HECW1: variants seen among roughly 807,000 people sequenced by gnomAD.
HECW1 encodes HECT, C2 and WW domain containing E3 ubiquitin protein ligase 1.
Under a neutral mutation model 182.3 loss-of-function variants are expected in HECW1, and 61 were observed. That is an observed-to-expected ratio of 0.33 (90% CI 0.27 to 0.41). The LOEUF is 0.41. Ranked by LOEUF, HECW1 falls within the 10% of genes least tolerant of loss-of-function variation. The probability of loss-of-function intolerance (pLI) is 1.00; values close to 1 mark genes in which losing one functional copy is unlikely to be tolerated. For synonymous variants in HECW1, 859 were observed against 832.6 expected (o/e 1.03, Z -0.55); for missense variants, 1,739 against 2,108.9 (o/e 0.82, Z 3.44).
At chr7:43,357,741 C>T (rs150165381) in intron 5 of HECW1, among the ~76,000 whole-genome samples, 177 of 151,328 alleles carry the variant, frequency 1.2e-3, no homozygotes, top group African/African-American at 4.1e-3. Context: ...AATATGTTTC[C>T]AAATGGCTAC....
At chr7:43,149,805 G>T (rs1042480729) in intron 2 of HECW1, among the ~76,000 whole-genome samples, 1 of 151,852 alleles carries the variant, frequency 6.6e-6, no homozygotes, top group Non-Finnish European at 1.5e-5. Flanking sequence ...ATACAATAGG[G>T]TTTATTTAGA....
intron 24 of HECW1, chr7:43,512,003 G>A (rs926291192): frequency 1.4e-5 from 3 of 209,628 alleles, no homozygotes; most frequent in Non-Finnish European, 2.9e-5. Context: ...GATCGCTCAC[G>A]ACTGGTACCA....
At chr7:43,497,321 A>T (rs1047686401) in intron 19 of HECW1, among the ~76,000 whole-genome samples, 1 of 152,180 alleles carries the variant, frequency 6.6e-6, no homozygotes, top group Non-Finnish European at 1.5e-5. Flanking sequence ...TTGGGAGGGT[A>T]GGTGAGACCT....
At chr7:43,247,723 GAAGGAAGA>G (rs1199569137) in intron 3 of HECW1, among the ~76,000 whole-genome samples, 1 of 130,444 alleles carries the variant, frequency 7.7e-6, no homozygotes, top group African/African-American at 3.3e-5. Flanking sequence ...AGGGAAGAAG[GAAGGAAGA>G]AAGGAAGGAA....
chr7:43,311,613 G>T lies in HECW1; in HGVS notation c.28-150G>T, dbSNP rs774049124. The T allele has an allele frequency of 7.5e-6, 6 of 801,804 alleles. No homozygotes were observed. In the East Asian group the frequency reaches 1.4e-4, roughly 19 times the overall value. 49.7% of individuals were successfully genotyped at this position (801,804 alleles called of 1,614,324 possible). On this transcript the variant is annotated intron_variant, in intron 3 of 29. Transcript: ENST00000395891. ...CCAGAGCTGCAGCCTTTGTCACGAGGAAGATGCTCTATGCCATGTTTCATA... is the reference window on the plus strand; with the variant it reads ...CCAGAGCTGCAGCCTTTGTCACGAGTAAGATGCTCTATGCCATGTTTCATA...
intron 2 of HECW1, among the ~76,000 whole-genome samples, chr7:43,123,043 T>C (rs567507995): frequency 1.2e-3 from 179 of 152,364 alleles, no homozygotes; most frequent in African/African-American, 4.0e-3. Context: ...CAAAGCAGAA[T>C]TAAATCCCTC....
At chr7:43,212,064 A>T (rs992922690) in intron 2 of HECW1, among the ~76,000 whole-genome samples, 1 of 152,238 alleles carries the variant, frequency 6.6e-6, no homozygotes, top group African/African-American at 2.4e-5. Context: ...CCATATTTCA[A>T]TGTAAGCATT....
chr7:43,167,151 A>G (rs1242537296), intron 2 of HECW1, among the ~76,000 whole-genome samples: 1 of 152,144 alleles, frequency 6.6e-6, no homozygotes, highest in Admixed American at 6.5e-5. Context: ...CATATTAGGT[A>G]TGAGAAGGGC....
At chr7:43,421,078 G>A (rs778046447) in intron 8 of HECW1, among the ~76,000 whole-genome samples, 6 of 152,194 alleles carry the variant, frequency 3.9e-5, no homozygotes, top group Non-Finnish European at 5.9e-5. Flanking sequence ...AAATAGTGTG[G>A]CATTGGCACA....
chr7:43,286,990 C>T (rs138555977), intron 3 of HECW1, among the ~76,000 whole-genome samples: 1 of 151,524 alleles, frequency 6.6e-6, no homozygotes, highest in Non-Finnish European at 1.5e-5. Flanking sequence ...TGCTGTGTCC[C>T]GGGCATTGTT....
intron 16 of HECW1, among the ~76,000 whole-genome samples, chr7:43,470,679 A>C (rs959390015): frequency 1.3e-5 from 2 of 152,192 alleles, no homozygotes; most frequent in Non-Finnish European, 2.9e-5. Context: ...AAAAAATCTG[A>C]ATTTCAAATG....
intron 5 of HECW1, among the ~76,000 whole-genome samples, chr7:43,331,593 A>C (rs1160647622): frequency 3.1e-5 from 3 of 96,688 alleles, no homozygotes; most frequent in African/African-American, 8.4e-5. Flanking sequence ...ACTCTGTCTC[A>C]AAAAAAAAAA....
intron 29 of HECW1, among the ~76,000 whole-genome samples, chr7:43,560,370 T>A (rs2082170750): frequency 6.6e-6 from 1 of 152,214 alleles, no homozygotes. Context: ...TATTCGTATG[T>A]TTCTTCCCAG....
At chr7:43,423,174 A>G (rs1371684214) in intron 8 of HECW1, among the ~76,000 whole-genome samples, 1 of 152,244 alleles carries the variant, frequency 6.6e-6, no homozygotes, top group Non-Finnish European at 1.5e-5. Context: ...TCTGAAACGC[A>G]GAGCTGGTAC....
intron 3 of HECW1, among the ~76,000 whole-genome samples, chr7:43,266,349 TTTTTGAGACAGAGTCTCAC>T (rs1801796288): frequency 6.6e-6 from 1 of 152,124 alleles, no homozygotes; most frequent in Non-Finnish European, 1.5e-5. Context: ...TTGTTTTCAT[TTTTTGAGACAGAGTCTCAC>T]TCTGTCACTC....
At chr7:43,377,218 C>G (rs1183855519) in intron 6 of HECW1, among the ~76,000 whole-genome samples, 1 of 152,186 alleles carries the variant, frequency 6.6e-6, no homozygotes, top group Admixed American at 6.5e-5. Flanking sequence ...CCTTTTCAAG[C>G]CTGTTCTGAA....
chr7:43,278,122 A>C (rs1803406529), intron 3 of HECW1, among the ~76,000 whole-genome samples: 2 of 151,778 alleles, frequency 1.3e-5, no homozygotes, highest in Non-Finnish European at 2.9e-5. Context: ...CCTGCCCCTG[A>C]ATGTTCCCCT....
At chr7:43,172,021 T>TA (rs1412468354) in intron 2 of HECW1, among the ~76,000 whole-genome samples, 1 of 151,736 alleles carries the variant, frequency 6.6e-6, no homozygotes, top group East Asian at 1.9e-4. Context: ...CTCACATCTG[T>TA]AATCCCAGCA....
Position 43,565,141 on chromosome 7 carries a change from A to G in HECW1, c.*3215A>G, listed in dbSNP as rs1262581477. ...TCTACAGTGTGAAGATGATAATCCT[A>G]AAAATGGAAATTGATTCTGTGAGGT... On this transcript the variant is annotated 3_prime_UTR_variant, in exon 30 of 30. Coordinates refer to ENST00000395891, the MANE Select transcript of HECW1 (RefSeq NM_015052.5). 5 of 200,300 alleles carry G rather than the reference A, an allele frequency of 2.5e-5. No individual in the cohort carries two copies. The highest frequency in any genetic ancestry group is 5.1e-5 in the Non-Finnish European group (5 of 97,268). The allele number at this position is 200,300 out of a possible 1,614,324, so 12.4% of individuals were successfully genotyped here.
Sources: allele counts gnomAD v4.1 joint callset (sites outside exome capture counted in the v4.1 genomes callset), GRCh38; gene constraint gnomAD v4.1.1; transcripts MANE v1.5; gene names NCBI Gene and HGNC (gene_info 2026-07-23, HGNC 2026-07-21).